Variants in GLIS3 observed in about 807,000 individuals in gnomAD.
GLIS3 encodes the protein GLIS family zinc finger 3, also known as zinc finger protein GLIS3.
In GLIS3, 53 loss-of-function variants were observed where a neutral mutation model predicts 78.6. The observed-to-expected ratio is 0.67, with a 90% CI of 0.54 to 0.85. GLIS3 has a LOEUF of 0.85. GLIS3 is among the 40% of genes least tolerant of loss of function. GLIS3 has a pLI of 0.00. For synonymous variants in GLIS3, 684 were observed against 509.9 expected, an observed-to-expected ratio of 1.34 and a Z score of -4.60; for missense variants, 1,703 against 1,231.1, an observed-to-expected ratio of 1.38 and a Z score of -5.74.
intron 2 of GLIS3, among the ~76,000 whole-genome samples, chr9:4,264,435 T>G (rs970212882): frequency 6.6e-6 from 1 of 152,230 alleles, no homozygotes; most frequent in African/African-American, 2.4e-5. Context: ...CACGATGTCC[T>G]TTTTTAAAAT....
intron 2 of GLIS3, among the ~76,000 whole-genome samples, chr9:4,204,849 G>C (rs954374995): frequency 1.3e-5 from 2 of 151,672 alleles, no homozygotes; most frequent in African/African-American, 2.4e-5. Flanking sequence ...GGAAGGCGGA[G>C]GTTGCAGCGT....
chr9:4,404,211 C>T, the GLIS3 span, among the ~76,000 whole-genome samples: 32 of 152,044 alleles, frequency 2.1e-4, 1 homozygote, highest in Non-Finnish European at 5.9e-5. Flanking sequence ...TGGAGCAACC[C>T]GATATATAAA....
the GLIS3 span, among the ~76,000 whole-genome samples, chr9:4,369,306 G>C: frequency 1.2e-4 from 18 of 152,198 alleles, no homozygotes; most frequent in African/African-American, 3.9e-4. Context: ...CTGGATATGA[G>C]CATCCACTTT....
At chr9:4,467,911 T>C in the GLIS3 span, among the ~76,000 whole-genome samples, 154 of 152,332 alleles carry the variant, frequency 1.0e-3, no homozygotes, top group African/African-American at 2.8e-3. Context: ...GACGAATGGC[T>C]AACTAGAATA....
At chr9:4,191,117 T>C (rs1483786982) in intron 2 of GLIS3, among the ~76,000 whole-genome samples, 3 of 146,814 alleles carry the variant, frequency 2.0e-5, no homozygotes, top group African/African-American at 5.0e-5. Flanking sequence ...AGGAAGAAAC[T>C]GCATCAACTA....
chr9:4,085,684 C>G (rs1038175390), intron 4 of GLIS3, among the ~76,000 whole-genome samples: 1 of 152,190 alleles, frequency 6.6e-6, no homozygotes, highest in Non-Finnish European at 1.5e-5. Context: ...GCGGATTTCT[C>G]ATGAATGGTT....
At chr9:4,060,484 G>C (rs528846771) in intron 4 of GLIS3, among the ~76,000 whole-genome samples, 26 of 152,316 alleles carry the variant, frequency 1.7e-4, no homozygotes, top group Admixed American at 9.8e-4. Context: ...TATCTTAAGA[G>C]GTAGAGCCTT....
chr9:4,359,439 A>C, the GLIS3 span, among the ~76,000 whole-genome samples: 1 of 152,278 alleles, frequency 6.6e-6, no homozygotes, highest in African/African-American at 2.4e-5. Flanking sequence ...TTTCTACTGT[A>C]ATGAGACTAA....
At chr9:4,229,330 C>G (rs150806069) in intron 2 of GLIS3, among the ~76,000 whole-genome samples, 1 of 152,178 alleles carries the variant, frequency 6.6e-6, no homozygotes, top group Non-Finnish European at 1.5e-5. Flanking sequence ...AAGATAAATA[C>G]TAATTTTGAA....
intron 4 of GLIS3, among the ~76,000 whole-genome samples, chr9:3,963,363 A>C (rs1054572568): frequency 6.6e-6 from 1 of 152,186 alleles, no homozygotes; most frequent in Non-Finnish European, 1.5e-5. Flanking sequence ...GTATGCTGGA[A>C]TATTGAAGTG....
At chr9:4,460,831 T>G in the GLIS3 span, among the ~76,000 whole-genome samples, 72 of 152,332 alleles carry the variant, frequency 4.7e-4, no homozygotes, top group African/African-American at 1.6e-3. Flanking sequence ...TGGAGTGTTT[T>G]TAATATAAAA....
At chr9:4,073,476 T>C (rs928003562) in intron 4 of GLIS3, among the ~76,000 whole-genome samples, 2 of 152,194 alleles carry the variant, frequency 1.3e-5, no homozygotes, top group African/African-American at 4.8e-5. Context: ...AAGTGGATCC[T>C]GCATCTCCAC....
chr9:4,270,550 G>A (rs964589358), intron 2 of GLIS3, among the ~76,000 whole-genome samples: 18 of 152,184 alleles, frequency 1.2e-4, no homozygotes, highest in Non-Finnish European at 2.5e-4. Flanking sequence ...TCAAAGGTGG[G>A]TTGGACTGAG....
Position 4,283,194 on chromosome 9 carries a change from A to T in GLIS3, c.388+2844T>A, listed in dbSNP as rs1428424267. On this transcript the variant is annotated intron_variant, in intron 2 of 10. Coordinates refer to ENST00000381971, the MANE Select transcript of GLIS3 (RefSeq NM_001042413.2). ...ATCTGCCTATATAGCACAGGCCAGGAACCCTTCTATGTGGCCATATCATTC... is the reference window on the plus strand; with the variant it reads ...ATCTGCCTATATAGCACAGGCCAGGTACCCTTCTATGTGGCCATATCATTC... 2.0e-5 allele frequency among the ~76,000 whole-genome samples: 3 copies of T among 152,128 alleles called. No individual in the cohort carries two copies. In the East Asian group the frequency reaches 5.8e-4, roughly 29 times the overall value.
chr9:4,387,785 C>T, the GLIS3 span, among the ~76,000 whole-genome samples: 1 of 152,172 alleles, frequency 6.6e-6, no homozygotes, highest in East Asian at 1.9e-4. Context: ...TGTACAGGTA[C>T]TTTTCTGTTT....
At chr9:4,205,526 G>C (rs1819798179) in intron 2 of GLIS3, among the ~76,000 whole-genome samples, 1 of 152,220 alleles carries the variant, frequency 6.6e-6, no homozygotes. Context: ...GTCTGGAGCT[G>C]CTTGCAGGCC....
intron 6 of GLIS3, among the ~76,000 whole-genome samples, chr9:3,904,098 G>A (rs1040211446): frequency 3.3e-5 from 5 of 152,186 alleles, no homozygotes; most frequent in Non-Finnish European, 5.9e-5. Flanking sequence ...GAGCCCATAT[G>A]AGCTGTGAGG....
intron 2 of GLIS3, among the ~76,000 whole-genome samples, chr9:4,264,862 TACTC>T (rs1047198246): frequency 2.0e-5 from 3 of 152,056 alleles, no homozygotes; most frequent in Admixed American, 6.6e-5. Context: ...GACTCTCAAA[TACTC>T]AGTGAAATAA....
intron 2 of GLIS3, among the ~76,000 whole-genome samples, chr9:4,322,054 G>A (rs548909801): frequency 6.6e-6 from 1 of 152,158 alleles, no homozygotes; most frequent in South Asian, 2.1e-4. Context: ...ACAGGCCCTG[G>A]TGTGTGATGT....
Sources: allele counts gnomAD v4.1 joint callset (sites outside exome capture counted in the v4.1 genomes callset), GRCh38; gene constraint gnomAD v4.1.1; transcripts MANE v1.5; gene names NCBI Gene and HGNC (gene_info 2026-07-23, HGNC 2026-07-21).